Variants in AKR1C4 observed in about 807,000 individuals in gnomAD.
AKR1C4 encodes the protein 3-alpha-HSD1.
In AKR1C4, 44 loss-of-function variants were observed where a neutral mutation model predicts 41.0. The ratio of observed to expected loss-of-function variants is 1.07; its 90% CI spans 0.84 to 1.38. The LOEUF (loss-of-function observed/expected upper bound fraction) is 1.38, where lower values mean the gene tolerates loss of function less well. AKR1C4 is among the 40% of genes most tolerant of loss of function. The probability of loss-of-function intolerance (pLI) is 0.00; values close to 1 mark genes in which losing one functional copy is unlikely to be tolerated. For synonymous variants in AKR1C4, 165 were observed against 137.7 expected, an observed-to-expected ratio of 1.20 and a Z score of -1.39; for missense variants, 438 against 387.9, an observed-to-expected ratio of 1.13 and a Z score of -1.09.
intron 2 of AKR1C4, 55 bp downstream of exon 2, chr10:5,200,403 G>A: frequency 6.5e-7 from 1 of 1,549,356 alleles, no homozygotes; most frequent in Non-Finnish European, 8.7e-7. Flanking sequence ...ATTGTGTGGA[G>A]ATGACAATTC....
intron 8 of AKR1C4, among the ~76,000 whole-genome samples, chr10:5,217,305 T>G (rs1832670200): frequency 6.6e-6 from 1 of 152,254 alleles, no homozygotes; most frequent in African/African-American, 2.4e-5. Flanking sequence ...TGTTTCAAAT[T>G]TCTTTCTTCC....
intron 7 of AKR1C4, among the ~76,000 whole-genome samples, chr10:5,214,678 A>T (rs1392619407): frequency 6.7e-6 from 1 of 149,228 alleles, no homozygotes. Flanking sequence ...TAGTCTTTGG[A>T]TAACTTTTTT....
chr10:5,216,683 G>T, intron 7 of AKR1C4, 28 bp from the exon 8 acceptor site: 1 of 1,554,340 alleles, frequency 6.4e-7, no homozygotes, highest in South Asian at 1.1e-5. Context: ...TGCAATCTAA[G>T]AATAAACATT....
At chr10:5,201,900 T>A (rs1321463636) in intron 2 of AKR1C4, among the ~76,000 whole-genome samples, 4 of 152,198 alleles carry the variant, frequency 2.6e-5, no homozygotes, top group African/African-American at 9.6e-5. Flanking sequence ...GTTTGCTTTG[T>A]TGAACAAAGA....
chr10:5,202,544 T>C (rs1832416928), intron 2 of AKR1C4: 1 of 437,898 alleles, frequency 2.3e-6, no homozygotes, highest in Non-Finnish European at 4.5e-6. Flanking sequence ...GTACTATGTT[T>C]AATAGAAGTG....
chr10:5,212,174 A>G (rs559654732), intron 5 of AKR1C4, among the ~76,000 whole-genome samples: 4 of 152,242 alleles, frequency 2.6e-5, no homozygotes, highest in Admixed American at 6.5e-5. Context: ...TTGTTTTGCT[A>G]TAATTTGTAA....
At chr10:5,200,132 C>T (rs782714377) in intron 1 of AKR1C4, 49 bp from the exon 2 acceptor site, 30 of 1,571,742 alleles carry the variant, frequency 1.9e-5, no homozygotes, top group South Asian at 2.4e-5. Flanking sequence ...TGTTTCACTA[C>T]CTCTCAAGCA....
At chr10:5,200,863 G>T (rs1472024412) in intron 2 of AKR1C4, among the ~76,000 whole-genome samples, 4 of 152,068 alleles carry the variant, frequency 2.6e-5, no homozygotes, top group Non-Finnish European at 5.9e-5. Context: ...TACAGTGTTT[G>T]GTTTTCCATT....
chr10:5,202,767 T>C (rs1240109109), intron 2 of AKR1C4, among the ~76,000 whole-genome samples: 1 of 152,176 alleles, frequency 6.6e-6, no homozygotes, highest in Non-Finnish European at 1.5e-5. Flanking sequence ...ATTCTCTTTG[T>C]GTGGTATATC....
intron 5 of AKR1C4, among the ~76,000 whole-genome samples, chr10:5,206,865 TTTC>T (rs9331744): frequency 0.79 from 120,380 of 151,840 alleles, 50,198 homozygotes; most frequent in East Asian, 0.98. Context: ...CTGAATGCTT[TTTC>T]TTGTCATCTC....
intron 1 of AKR1C4, among the ~76,000 whole-genome samples, chr10:5,197,906 A>C (rs1554796477): frequency 6.6e-6 from 1 of 152,222 alleles, no homozygotes; most frequent in African/African-American, 2.4e-5. Context: ...GTGCCTGCAC[A>C]GCAAACAGAG....
At chr10:5,211,276 CA>C (rs1204675897) in intron 5 of AKR1C4, among the ~76,000 whole-genome samples, 1 of 152,232 alleles carries the variant, frequency 6.6e-6, no homozygotes, top group Non-Finnish European at 1.5e-5. Flanking sequence ...AATTTCTTCT[CA>C]GAAAATGGGT....
intron 5 of AKR1C4, among the ~76,000 whole-genome samples, chr10:5,206,764 G>C (rs12264733): frequency 0.036 from 4,422 of 124,420 alleles, 74 homozygotes; most frequent in African/African-American, 0.069. Context: ...TATAATTATA[G>C]AGGCCATAAA....
At chr10:5,212,585 T>C (rs1341813759) in intron 5 of AKR1C4, 31 bp from the exon 6 acceptor site, 1 of 1,568,502 alleles carries the variant, frequency 6.4e-7, no homozygotes, top group Non-Finnish European at 8.7e-7. Flanking sequence ...TTTTGAATTA[T>C]CTGATGCTTT....
intron 8 of AKR1C4, 42 bp from the exon 9 acceptor site, chr10:5,218,676 G>C (rs782043961): frequency 5.3e-6 from 8 of 1,501,498 alleles, no homozygotes; most frequent in South Asian, 1.1e-5. Flanking sequence ...TTTTAATAGA[G>C]TCATTTCATC....
At chr10:5,204,890 T>G (rs1202157274) in intron 3 of AKR1C4, among the ~76,000 whole-genome samples, 2 of 152,106 alleles carry the variant, frequency 1.3e-5, no homozygotes, top group East Asian at 3.9e-4. Context: ...TAAGCTGAAG[T>G]AGATTTGGTG....
At chr10:5,214,090 A>G (rs1304673025) in intron 7 of AKR1C4, among the ~76,000 whole-genome samples, 1 of 152,046 alleles carries the variant, frequency 6.6e-6, no homozygotes, top group Non-Finnish European at 1.5e-5. Flanking sequence ...TTATAAAAGT[A>G]TTAATGTGCT....
At chr10:5,212,273 G>C (rs1350441307) in intron 5 of AKR1C4, among the ~76,000 whole-genome samples, 1 of 152,064 alleles carries the variant, frequency 6.6e-6, no homozygotes. Flanking sequence ...TTTTAAACCT[G>C]CCCTTATGAG....
At chr10:5,201,163 A>C (rs952879355) in intron 2 of AKR1C4, among the ~76,000 whole-genome samples, 9 of 152,282 alleles carry the variant, frequency 5.9e-5, no homozygotes, top group African/African-American at 2.2e-4. Flanking sequence ...ATCTACTTTA[A>C]GTTCTTTAAG....
Sources: allele counts gnomAD v4.1 joint callset (sites outside exome capture counted in the v4.1 genomes callset), GRCh38; gene constraint gnomAD v4.1.1; transcripts MANE v1.5; gene names NCBI Gene and HGNC (gene_info 2026-07-23, HGNC 2026-07-21).